GADD45A: variants seen among roughly 807,000 people sequenced by gnomAD.
The protein encoded by GADD45A is growth arrest and DNA damage-inducible protein GADD45 alpha.
GADD45A carries 9 observed loss-of-function variants against 17.7 expected under a neutral mutation model. The ratio of observed to expected loss-of-function variants is 0.51; its 90% CI spans 0.31 to 0.89. GADD45A has a LOEUF of 0.89. Ranked by LOEUF, GADD45A falls within the 40% of genes least tolerant of loss-of-function variation. GADD45A has a pLI of 0.05. For missense variants in GADD45A, 149 were observed against 220.6 expected (o/e 0.68, Z 2.06); for synonymous variants, 95 against 92.2 (o/e 1.03, Z -0.17).
chr1:67,686,521 C>G lies in GADD45A; in HGVS notation c.318C>G (p.Thr106=), dbSNP rs201075355. The change falls in exon 3 of 4, where the codon ACC becomes ACG. Residue 106 remains threonine, a synonymous_variant. Coordinates refer to ENST00000370986, the MANE Select transcript of GADD45A (RefSeq NM_001924.4). ...GRLAELLLLE[T]DAGPAASEGA... is the part of the protein sequence containing the mutation. ...TGGCGGAGCTCCTGCTCTTGGAGAC[C>G]GACGCTGGCCCCGCGGCGAGCGAGG... 6 of 1,612,464 alleles carry G rather than the reference C, an allele frequency of 3.7e-6. No homozygotes were observed. In the Admixed American group the frequency reaches 8.3e-5, roughly 22 times the overall value.
intron 2 of GADD45A, 56 bp from the exon 3 acceptor site, chr1:67,686,294 C>T: frequency 6.6e-7 from 1 of 1,523,240 alleles, no homozygotes. Flanking sequence ...GGGACCCGGG[C>T]AGTGGTTGAG....
chr1:67,687,081 CTT>C (rs372925717), intron 3 of GADD45A, among the ~76,000 whole-genome samples: 2 of 146,918 alleles, frequency 1.4e-5, no homozygotes, highest in Admixed American at 6.8e-5. Context: ...TTTAATGGCT[CTT>C]TTTTTTTTTC....
In GADD45A at chr1:67,685,254, C is replaced by T. The variant is rs1447040768; in HGVS notation, c.-241C>T. On this transcript the variant is annotated 5_prime_UTR_variant, in exon 1 of 4. Coordinates refer to ENST00000370986, the MANE Select transcript of GADD45A (RefSeq NM_001924.4). ...AGCGGCCCAATTAGTGTCGTGCGGCCCGTGGCGAGGCGAGGTCCGGGGAGC... is the reference window on the plus strand; with the variant it reads ...AGCGGCCCAATTAGTGTCGTGCGGCTCGTGGCGAGGCGAGGTCCGGGGAGC... The T allele has an allele frequency of 2.0e-5, 10 of 504,098 alleles. No individual in the cohort carries two copies. The East Asian group carries it at 3.6e-4, about 18-fold the overall frequency. The allele number at this position is 504,098 out of a possible 1,614,324, so 31.2% of individuals were successfully genotyped here.
In GADD45A at chr1:67,686,110, G is replaced by T; in HGVS notation, c.130G>T (p.Ala44Ser). ...GATCACTGTCGGGGTGTACGAAGCG[G>T]CCAAGCTGCTCAACGTGTAAGTGGG... ...RTITVGVYEA[A>S]KLLNVDPDNV... Residue 44 changes from alanine (A) to serine (S), a missense_variant, in exon 2 of 4, where the codon GCC becomes TCC. Ala to Ser is a moderately conservative substitution (Grantham distance 99). Coordinates refer to ENST00000370986, the MANE Select transcript of GADD45A (RefSeq NM_001924.4). 1 of 1,610,328 alleles carries T rather than the reference G, an allele frequency of 6.2e-7. No homozygotes were observed. Among genetic ancestry groups the T allele is most frequent in the Non-Finnish European group, 8.5e-7 (1 of 1,178,356 alleles).
Position 67,685,467 on chromosome 1 carries a change from T to C in GADD45A, c.-28T>C. On this transcript the variant is annotated 5_prime_UTR_variant, in exon 1 of 4. Coordinates refer to ENST00000370986, the MANE Select transcript of GADD45A (RefSeq NM_001924.4). ...CAGGAGCAGCCCGCACGCCGCGCTC[T>C]CTCCCTGGGCGACCTGCAGTTTGCA... The C allele has an allele frequency of 6.3e-7, 1 of 1,599,676 alleles. No individual in the cohort carries two copies. The highest frequency in any genetic ancestry group is 1.1e-5 in the South Asian group (1 of 89,186).
At position 67,687,972 on chromosome 1, in the gene GADD45A, G is replaced by A; in HGVS notation, c.*198G>A. 1 of 481,442 alleles carries A rather than the reference G, an allele frequency of 2.1e-6. No homozygotes were observed. The highest frequency in any genetic ancestry group is 3.7e-6 in the Non-Finnish European group (1 of 270,696). 29.8% of individuals were successfully genotyped at this position (481,442 alleles called of 1,614,324 possible). A position where few individuals can be genotyped will look rare whatever the true frequency, so the allele number is the denominator to read the frequency against. On this transcript the variant is annotated 3_prime_UTR_variant, in exon 4 of 4. Coordinates refer to ENST00000370986, the MANE Select transcript of GADD45A (RefSeq NM_001924.4). Reference sequence around the variant, plus strand: ...GATGGAAAGAGGTGAAAATGAAGAAGGAAGCTGTGTTGAAACAGAAAAATA... The same window carrying A: ...GATGGAAAGAGGTGAAAATGAAGAAAGAAGCTGTGTTGAAACAGAAAAATA...
rs778218718 is a variant in GADD45A at position 67,686,455 on chromosome 1, G to A, written c.252G>A (p.Glu84=). The A allele has an allele frequency of 1.3e-4, 203 of 1,613,750 alleles. No homozygotes were observed. The highest frequency in any genetic ancestry group is 1.7e-4 in the Non-Finnish European group (197 of 1,179,874). ...HFTLIQAFCC[E]NDINILRVSN... ...CCCTGATCCAGGCGTTTTGCTGCGA[G>A]AACGACATCAACATCCTGCGCGTCA... is the stretch of plus-strand genomic sequence containing the variant. The change falls in exon 3 of 4, where the codon GAG becomes GAA. Residue 84 remains glutamate, a synonymous_variant. Transcript: ENST00000370986.
At chr1:67,685,979 G>A (rs762253469) in intron 1 of GADD45A, 46 bp from the exon 2 acceptor site, 4 of 1,351,072 alleles carry the variant, frequency 3.0e-6, no homozygotes, top group South Asian at 1.2e-5. Context: ...CGATGGCCCC[G>A]AGGGCACCGG....
rs1646125822 is a variant in GADD45A, at chr1:67,685,441, G to A, written c.-54G>A. On this transcript the variant is annotated 5_prime_UTR_variant, in exon 1 of 4. Coordinates refer to ENST00000370986, the MANE Select transcript of GADD45A (RefSeq NM_001924.4). ...AGCAGGCGCCCGCGCGCTAGCCGTG[G>A]CAGGAGCAGCCCGCACGCCGCGCTC... The A allele has an allele frequency of 1.9e-6, 3 of 1,551,730 alleles. No homozygotes were observed. In the Admixed American group the frequency reaches 5.5e-5, roughly 28 times the overall value.
chr1:67,686,647 C>A (rs530412054), intron 3 of GADD45A, 60 bp downstream of exon 3: 2 of 1,431,004 alleles, frequency 1.4e-6, no homozygotes, highest in Admixed American at 4.3e-5. Flanking sequence ...GGAGTCAGGG[C>A]TGGGTTGCCT....
In GADD45A at chr1:67,688,028, A is replaced by C; in HGVS notation, c.*254A>C. 1 of 392,500 alleles carries C rather than the reference A, an allele frequency of 2.5e-6. No homozygotes were observed. The highest frequency in any genetic ancestry group is 4.6e-6 in the Non-Finnish European group (1 of 217,746). The allele number at this position is 392,500 out of a possible 1,614,324, so 24.3% of individuals were successfully genotyped here. ...AAAGGAACAAAAATTACAAAGAACCATGCAGGAAGGAAAACTATGTATTAA... is the reference window on the plus strand; with the variant it reads ...AAAGGAACAAAAATTACAAAGAACCCTGCAGGAAGGAAAACTATGTATTAA... On this transcript the variant is annotated 3_prime_UTR_variant, in exon 4 of 4. Transcript: ENST00000370986.
rs1557582685 is a variant in GADD45A at position 67,685,278 on chromosome 1, G to A, written c.-217G>A. 7.7e-6 allele frequency: 4 copies of A among 519,498 alleles called. No individual in the cohort carries two copies. The African/African-American group carries it at 8.2e-5, about 11-fold the overall frequency. The allele number at this position is 519,498 out of a possible 1,614,324, so 32.2% of individuals were successfully genotyped here. ...CCCGTGGCGAGGCGAGGTCCGGGGA[G>A]CGAGCGAGCAAGCAAGGCGGGAGGG... On this transcript the variant is annotated 5_prime_UTR_variant, in exon 1 of 4. Coordinates refer to ENST00000370986, the MANE Select transcript of GADD45A (RefSeq NM_001924.4).
At chr1:67,687,563 C>A in intron 3 of GADD45A, 98 bp from the exon 4 acceptor site, 1 of 766,558 alleles carries the variant, frequency 1.3e-6, no homozygotes, top group Non-Finnish European at 2.2e-6. Flanking sequence ...TGTCACATAG[C>A]CAAAATATAG....
At chr1:67,685,654 C>A in intron 1 of GADD45A, 116 bp downstream of exon 1, 1 of 987,672 alleles carries the variant, frequency 1.0e-6, no homozygotes, top group Non-Finnish European at 1.6e-6. Flanking sequence ...TTGCACAGGG[C>A]AACTCCCGCC....
Position 67,686,039 on chromosome 1 carries a change from G to A in GADD45A, c.59G>A (p.Gly20Glu), listed in dbSNP as rs1266528144. The part of the protein sequence containing the change: ...EQKTERMDKV[G>E]DALEEVLSKA... Reference sequence around the variant, plus strand: ...CCCGCGTGTAGGATGGATAAGGTGGGGGATGCCCTGGAGGAAGTGCTCAGC... The same window carrying A: ...CCCGCGTGTAGGATGGATAAGGTGGAGGATGCCCTGGAGGAAGTGCTCAGC... Residue 20 changes from glycine to glutamate, a missense_variant, in exon 2 of 4, where the codon GGG (glycine) becomes GAG (glutamate). Transcript: ENST00000370986. The A allele has an allele frequency of 1.1e-5, 18 of 1,606,360 alleles. No individual in the cohort carries two copies. The highest frequency in any genetic ancestry group is 2.7e-5 in the African/African-American group (2 of 73,788).
In GADD45A at chr1:67,687,770, G is replaced by A. The variant is rs1037398781; in HGVS notation, c.494G>A (p.Arg165Gln). The A allele has an allele frequency of 2.5e-6, 4 of 1,592,788 alleles. No individual in the cohort carries two copies. The highest frequency in any genetic ancestry group is 1.3e-5 in the African/African-American group (1 of 74,508). Residue 165 changes from arginine to glutamine, a missense_variant, in exon 4 of 4, where the codon CGG becomes CAG. Coordinates refer to ENST00000370986, the MANE Select transcript of GADD45A (RefSeq NM_001924.4). Reference sequence around the variant, plus strand: ...GTTCCAGTGATTAATCTCCCTGAACGGTGATGGCATCTGAATGAAAATAAC... The same window carrying A: ...GTTCCAGTGATTAATCTCCCTGAACAGTGATGGCATCTGAATGAAAATAAC... ...QWVPVINLPE[R>Q]
chr1:67,686,324 T>C (rs1323965560), intron 2 of GADD45A, 26 bp from the exon 3 acceptor site: 2 of 1,600,330 alleles, frequency 1.2e-6, no homozygotes, highest in African/African-American at 2.7e-5. Flanking sequence ...GCTTCTGCGC[T>C]CACTGGCCCC....
At chr1:67,687,559 A>G (rs760944026) in intron 3 of GADD45A, 102 bp from the exon 4 acceptor site, 2 of 740,966 alleles carry the variant, frequency 2.7e-6, no homozygotes, top group Non-Finnish European at 4.5e-6. Flanking sequence ...TCCATGTCAC[A>G]TAGCCAAAAT....
Position 67,687,997 on chromosome 1 carries a change from A to G in GADD45A, c.*223A>G, listed in dbSNP as rs1226969838. 1.3e-5 allele frequency: 6 copies of G among 446,484 alleles called. No individual in the cohort carries two copies. The highest frequency in any genetic ancestry group is 2.4e-5 in the Non-Finnish European group (6 of 250,578). 27.7% of individuals were successfully genotyped at this position (446,484 alleles called of 1,614,324 possible). A position where few individuals can be genotyped will look rare whatever the true frequency, so the allele number is the denominator to read the frequency against. On this transcript the variant is annotated 3_prime_UTR_variant, in exon 4 of 4. Coordinates refer to ENST00000370986, the MANE Select transcript of GADD45A (RefSeq NM_001924.4). ...GGAAGCTGTGTTGAAACAGAAAAAT[A>G]AGTCAAAAGGAACAAAAATTACAAA...
Sources: allele counts gnomAD v4.1 joint callset (sites outside exome capture counted in the v4.1 genomes callset), GRCh38; gene constraint gnomAD v4.1.1; transcripts MANE v1.5; gene names NCBI Gene and HGNC (gene_info 2026-07-23, HGNC 2026-07-21).